The following QTMAN variants were observed in gnomAD, a reference collection of about 807,000 sequenced individuals.
QTMAN encodes the protein queuosine-tRNA mannosyltransferase.
the QTMAN span, among the ~76,000 whole-genome samples, chr2:144,211,935 C>CTAA: frequency 4.6e-5 from 7 of 152,134 alleles, no homozygotes; most frequent in Non-Finnish European, 8.8e-5. Flanking sequence ...CTAGCAAAGG[C>CTAA]TAATAAGGAG....
chr2:144,294,956 G>T, the QTMAN span, among the ~76,000 whole-genome samples: 7 of 152,272 alleles, frequency 4.6e-5, no homozygotes, highest in South Asian at 4.1e-4. Context: ...AAATGAACTT[G>T]AAGAAATCTT....
At chr2:144,279,390 A>C in the QTMAN span, among the ~76,000 whole-genome samples, 1 of 151,824 alleles carries the variant, frequency 6.6e-6, no homozygotes, top group East Asian at 1.9e-4. Flanking sequence ...AAAAAAAAAA[A>C]AGAGCTACAA....
the QTMAN span, among the ~76,000 whole-genome samples, chr2:144,137,267 C>A: frequency 6.6e-6 from 1 of 152,134 alleles, no homozygotes; most frequent in Non-Finnish European, 1.5e-5. Flanking sequence ...TAATAAATCA[C>A]AGTCATCCTT....
At chr2:144,210,143 C>A in the QTMAN span, among the ~76,000 whole-genome samples, 1 of 151,988 alleles carries the variant, frequency 6.6e-6, no homozygotes, top group South Asian at 2.1e-4. Context: ...ATGGAAAAGG[C>A]ATGAATCCTA....
At chr2:144,082,049 C>T in the QTMAN span, among the ~76,000 whole-genome samples, 2 of 152,054 alleles carry the variant, frequency 1.3e-5, no homozygotes, top group Non-Finnish European at 2.9e-5. Flanking sequence ...CACCACACCT[C>T]GCTAATTTTT....
the QTMAN span, among the ~76,000 whole-genome samples, chr2:144,093,282 C>T: frequency 2.0e-5 from 3 of 152,056 alleles, no homozygotes; most frequent in Non-Finnish European, 4.4e-5. Flanking sequence ...GCCGAGATAC[C>T]CACAAATACT....
At chr2:144,135,918 A>C in the QTMAN span, among the ~76,000 whole-genome samples, 2 of 152,180 alleles carry the variant, frequency 1.3e-5, no homozygotes, top group Non-Finnish European at 2.9e-5. Context: ...AAAGATATTA[A>C]ATGATAAGAT....
chr2:144,234,255 C>T, the QTMAN span, among the ~76,000 whole-genome samples: 1 of 152,266 alleles, frequency 6.6e-6, no homozygotes, highest in Admixed American at 6.5e-5. Flanking sequence ...CAATCCTATT[C>T]AATTCTGTAC....
chr2:144,268,601 A>T, the QTMAN span, among the ~76,000 whole-genome samples: 1 of 152,230 alleles, frequency 6.6e-6, no homozygotes, highest in Non-Finnish European at 1.5e-5. Context: ...CAGAACTGTA[A>T]GAAATAAATA....
the QTMAN span, among the ~76,000 whole-genome samples, chr2:144,143,233 C>T: frequency 6.6e-6 from 1 of 151,962 alleles, no homozygotes; most frequent in African/African-American, 2.4e-5. Context: ...GGCTGTAATC[C>T]TATCGTAAGT....
the QTMAN span, among the ~76,000 whole-genome samples, chr2:143,980,121 C>T: frequency 6.6e-6 from 1 of 152,100 alleles, no homozygotes; most frequent in Non-Finnish European, 1.5e-5. Flanking sequence ...CTACACAGAT[C>T]ATCCCATCAC....
the QTMAN span, among the ~76,000 whole-genome samples, chr2:144,133,160 TAA>T: frequency 1.5e-5 from 1 of 66,656 alleles, no homozygotes; most frequent in African/African-American, 1.0e-4. Context: ...TAATATAATA[TAA>T]TATATATATA....
chr2:144,207,147 T>C, the QTMAN span, among the ~76,000 whole-genome samples: 7 of 152,330 alleles, frequency 4.6e-5, no homozygotes, highest in African/African-American at 1.7e-4. Context: ...CTTAGTGATA[T>C]CGGAATATAA....
At chr2:144,018,232 A>G in the QTMAN span, among the ~76,000 whole-genome samples, 1 of 152,150 alleles carries the variant, frequency 6.6e-6, no homozygotes, top group Non-Finnish European at 1.5e-5. Flanking sequence ...ACAGATGGAC[A>G]TAAAAAATCT....
At chr2:144,214,557 G>A in the QTMAN span, among the ~76,000 whole-genome samples, 6 of 152,156 alleles carry the variant, frequency 3.9e-5, no homozygotes, top group African/African-American at 7.2e-5. Flanking sequence ...TTATGTTGTA[G>A]TTGTGTACTA....
At chr2:144,004,088 T>C in the QTMAN span, among the ~76,000 whole-genome samples, 5 of 152,150 alleles carry the variant, frequency 3.3e-5, no homozygotes, top group African/African-American at 1.2e-4. Flanking sequence ...TTCTCTCTGG[T>C]AAAGATACAT....
chr2:144,104,169 TC>T, the QTMAN span, among the ~76,000 whole-genome samples: 1 of 151,774 alleles, frequency 6.6e-6, no homozygotes, highest in Non-Finnish European at 1.5e-5. Context: ...AGTCTACAGC[TC>T]CCAGCGTGAG....
chr2:144,164,512 T>G, the QTMAN span, among the ~76,000 whole-genome samples: 2 of 152,248 alleles, frequency 1.3e-5, no homozygotes, highest in Non-Finnish European at 2.9e-5. Context: ...TTTCTACTCT[T>G]ACTATTCTTG....
the QTMAN span, among the ~76,000 whole-genome samples, chr2:144,147,810 G>C: frequency 6.6e-6 from 1 of 151,836 alleles, no homozygotes; most frequent in African/African-American, 2.4e-5. Flanking sequence ...ATGGGACAAA[G>C]TGATATTATG....
Sources: allele counts gnomAD v4.1 joint callset (sites outside exome capture counted in the v4.1 genomes callset), GRCh38; gene constraint gnomAD v4.1.1; transcripts MANE v1.5; gene names NCBI Gene and HGNC (gene_info 2026-07-23, HGNC 2026-07-21).